Variants in THRA observed in about 807,000 individuals in gnomAD.
The protein encoded by THRA is EAR-7.
In THRA, 13 loss-of-function variants were observed where a neutral mutation model predicts 45.0. That is an observed-to-expected ratio of 0.29 (90% CI 0.19 to 0.46). The LOEUF (loss-of-function observed/expected upper bound fraction) is 0.46, where lower values mean the gene tolerates loss of function less well. Ranked by LOEUF, THRA falls within the 20% of genes least tolerant of loss-of-function variation. THRA has a pLI of 1.00. For synonymous variants in THRA, 195 were observed against 214.0 expected (o/e 0.91, Z 0.78); for missense variants, 278 against 556.1 (o/e 0.50, Z 5.03).
At chr17:40,068,192 C>T (rs1310028435) in intron 1 of THRA, among the ~76,000 whole-genome samples, 1 of 152,196 alleles carries the variant, frequency 6.6e-6, no homozygotes, top group Non-Finnish European at 1.5e-5. Flanking sequence ...TGGCTGTTGA[C>T]ATTCACTAGT....
At chr17:40,079,465 G>A (rs755673890) in intron 4 of THRA, among the ~76,000 whole-genome samples, 11 of 152,168 alleles carry the variant, frequency 7.2e-5, no homozygotes, top group Non-Finnish European at 1.5e-4. Context: ...GGCTGGTCTC[G>A]AACTCCTGAC....
chr17:40,082,295 A>G (rs1399323702), intron 4 of THRA, among the ~76,000 whole-genome samples: 2 of 146,802 alleles, frequency 1.4e-5, no homozygotes, highest in East Asian at 4.0e-4. Flanking sequence ...GCTCACCGCA[A>G]CCTCTGCTTC....
rs780461776 is a variant in THRA, at chr17:40,089,354, C to T, written c.1131C>T (p.Ile377=). The T allele has an allele frequency of 5.6e-6, 9 of 1,613,994 alleles. No homozygotes were observed. The highest frequency in any genetic ancestry group is 2.2e-5 in the East Asian group (1 of 44,878). Residue 377 remains isoleucine (I), a synonymous_variant, in exon 9 of 9, where the codon ATC becomes ATT. Coordinates refer to ENST00000450525, the MANE Select transcript of THRA (RefSeq NM_199334.5). The surrounding 1 kb of genome is among the most constrained non-coding windows in gnomAD (Gnocchi z 6.1). ...TGAAGGTGACTGACCTCCGCATGAT[C>T]GGGGCCTGCCACGCCAGCCGCTTCC... is the stretch of plus-strand genomic sequence containing the variant. ...LLMKVTDLRM[I]GACHASRFLH... is the part of the protein sequence containing the mutation.
At chr17:40,093,295 C>T (rs149579879), downstream of THRA, 399 of 1,613,554 alleles carry the variant, frequency 2.5e-4, 1 homozygote, top group Middle Eastern at 3.3e-4. This position sits in a 1 kb window ranked among gnomAD's most constrained non-coding sequence, Gnocchi z 5.9. Context: ...GTGGGGAAGA[C>T]GACAGCAGTG....
Position 40,088,274 on chromosome 17 carries a change from G to A in THRA, c.756G>A (p.Lys252=). The A allele has an allele frequency of 6.2e-7, 1 of 1,604,642 alleles. No homozygotes were observed. The highest frequency in any genetic ancestry group is 1.3e-5 in the African/African-American group (1 of 74,942). Residue 252 remains lysine (K), a synonymous_variant, in exon 8 of 9, where the codon AAG becomes AAA. Transcript: ENST00000450525. The part of the protein sequence containing the change: ...LPCEDQIILL[K]GCCMEIMSLR... ...GCGAAGACCAGATCATCCTCCTGAA[G>A]GGGTGCTGCATGGAGATCATGTCCC...
Position 40,076,943 on chromosome 17 carries a change from G to T in THRA, c.121+5G>T. ...CCCTGAAAACCAGCATGTCAGGTGAGGCTGGCTGTGCGTGCCCCTTCTCCA... is the reference window on the plus strand; with the variant it reads ...CCCTGAAAACCAGCATGTCAGGTGATGCTGGCTGTGCGTGCCCCTTCTCCA... On this transcript the variant is annotated splice_donor_5th_base_variant and intron_variant, in intron 3 of 8. Transcript: ENST00000450525. The T allele has an allele frequency of 6.2e-7, 1 of 1,613,914 alleles. No individual in the cohort carries two copies. The highest frequency in any genetic ancestry group is 8.5e-7 in the Non-Finnish European group (1 of 1,179,862).
chr17:40,063,463 G>A (rs1049375516), intron 1 of THRA, among the ~76,000 whole-genome samples: 15 of 151,878 alleles, frequency 9.9e-5, no homozygotes, highest in Non-Finnish European at 1.2e-4. Flanking sequence ...GTTTGTTTAC[G>A]GTGCGCCGGA....
intron 1 of THRA, among the ~76,000 whole-genome samples, chr17:40,065,649 G>A (rs1227865472): frequency 6.6e-6 from 1 of 152,066 alleles, no homozygotes. Context: ...CCCCTGCGCA[G>A]CCTCTGGGGT....
Position 40,092,765 on chromosome 17 carries a change from C to G in THRA, c.*3309C>G, listed in dbSNP as rs985418001. On this transcript the variant is annotated 3_prime_UTR_variant, in exon 9 of 9. Transcript: ENST00000450525. The stretch of plus-strand genomic sequence containing the variant: ...TTGGCAGTATTTCCACCCCACCCCC[C>G]AAACGAGCACACACCACAGAAGCCA... 4 of 453,646 alleles carry G rather than the reference C, an allele frequency of 8.8e-6. No individual in the cohort carries two copies. Among genetic ancestry groups the G allele is most frequent in the African/African-American group, 5.9e-5 (3 of 50,892 alleles). 28.1% of individuals were successfully genotyped at this position (453,646 alleles called of 1,614,324 possible).
At chr17:40,086,463 T>C (rs1364904611) in intron 6 of THRA, among the ~76,000 whole-genome samples, 6 of 152,202 alleles carry the variant, frequency 3.9e-5, no homozygotes, top group Admixed American at 3.9e-4. Flanking sequence ...CCTGATCATA[T>C]ATTAAGTATT....
At chr17:40,082,150 C>T (rs572215785) in intron 4 of THRA, among the ~76,000 whole-genome samples, 1 of 147,722 alleles carries the variant, frequency 6.8e-6, no homozygotes, top group South Asian at 2.1e-4. Context: ...GTTTTTGGGT[C>T]AGTGTTGTTT....
intron 6 of THRA, among the ~76,000 whole-genome samples, chr17:40,086,168 G>T (rs1287755408): frequency 6.6e-6 from 1 of 152,138 alleles, no homozygotes; most frequent in African/African-American, 2.4e-5. Flanking sequence ...GGTGAAGGAA[G>T]GCAGAAAACC....
chr17:40,076,879 C>T lies in THRA; in HGVS notation c.62C>T (p.Ser21Leu), dbSNP rs1159179413. The change falls in exon 3 of 9, where the codon TCA becomes TTA. Residue 21 changes from serine (S) to leucine (L), a missense_variant. Physicochemically the swap from Ser to Leu is moderately radical, Grantham distance 145. Transcript: ENST00000450525. The stretch of plus-strand genomic sequence containing the variant: ...ACTTTGCCTCCATCCAGTGCCAGGT[C>T]ACCAGATGGAAAGCGAAAAAGAAAG... ...GSDPEENSAR[S>L]PDGKRKRKNG... 7 of 1,613,976 alleles carry T rather than the reference C, an allele frequency of 4.3e-6. No homozygotes were observed. Among genetic ancestry groups the T allele is most frequent in the Non-Finnish European group, 5.9e-6 (7 of 1,180,012 alleles).
intron 3 of THRA, 34 bp from the exon 4 acceptor site, chr17:40,077,474 T>C (rs750296964): frequency 1.3e-6 from 2 of 1,595,406 alleles, no homozygotes; most frequent in Non-Finnish European, 1.7e-6. Flanking sequence ...CTCCAAGCCA[T>C]GCCTGCCTTC....
intron 1 of THRA, among the ~76,000 whole-genome samples, chr17:40,066,752 A>G (rs1422096739): frequency 2.0e-5 from 3 of 151,936 alleles, no homozygotes; most frequent in Non-Finnish European, 4.4e-5. Flanking sequence ...AAGAACAGAG[A>G]TGATGGTGAT....
intron 1 of THRA, among the ~76,000 whole-genome samples, chr17:40,070,815 C>A (rs1008340887): frequency 1.3e-5 from 2 of 151,868 alleles, no homozygotes; most frequent in African/African-American, 4.8e-5. Flanking sequence ...ATTCCTACGC[C>A]CCCCTCCCCC....
At chr17:40,083,729 C>T in intron 4 of THRA, 106 bp from the exon 5 acceptor site, 2 of 1,427,392 alleles carry the variant, frequency 1.4e-6, no homozygotes, top group African/African-American at 1.5e-5. Flanking sequence ...CCTCACTGAT[C>T]TTGCCTTCCT....
intron 4 of THRA, among the ~76,000 whole-genome samples, chr17:40,078,923 G>T (rs1471098849): frequency 6.6e-6 from 1 of 151,844 alleles, no homozygotes; most frequent in African/African-American, 2.4e-5. Context: ...ATAGAGACAG[G>T]GTTTCACCAT....
intron 1 of THRA, among the ~76,000 whole-genome samples, chr17:40,066,708 T>C (rs1242991854): frequency 3.4e-5 from 5 of 148,842 alleles, no homozygotes; most frequent in Non-Finnish European, 7.4e-5. Context: ...GAACAAGGCA[T>C]TATCTATCAA....
Sources: gnomAD v4.1 joint callset for allele counts (sites outside exome capture counted in the v4.1 genomes callset) on GRCh38, gnomAD v4.1.1 for gene constraint, Gnocchi (gnomAD v3.1) non-coding constraint, MANE v1.5 for transcripts, NCBI Gene and HGNC (gene_info 2026-07-23, HGNC 2026-07-21) for gene names.